The following MPHOSPH9 variants were observed in gnomAD, a reference collection of about 807,000 sequenced individuals.
MPHOSPH9 encodes the protein M-phase phosphoprotein 9.
MPHOSPH9 carries 88 observed loss-of-function variants against 145.5 expected under a neutral mutation model. The ratio of observed to expected loss-of-function variants is 0.60; its 90% CI spans 0.51 to 0.72. The LOEUF is 0.72. MPHOSPH9 is among the 30% of genes least tolerant of loss of function. MPHOSPH9 has a pLI of 0.00. For synonymous variants in MPHOSPH9, 435 were observed against 486.2 expected (o/e 0.89, Z 1.39); for missense variants, 1,238 against 1,386.6 (o/e 0.89, Z 1.70).
chr12:123,184,780 G>A (rs899758411), intron 13 of MPHOSPH9, among the ~76,000 whole-genome samples: 2 of 151,694 alleles, frequency 1.3e-5, no homozygotes, highest in Admixed American at 6.6e-5. Flanking sequence ...TTACAGGCAT[G>A]AGCCACCGTG....
At chr12:123,153,336 CTTAAT>C (rs965263642), downstream of MPHOSPH9, 14 of 152,162 alleles carry the variant, frequency 9.2e-5, no homozygotes, top group African/African-American at 3.1e-4. Flanking sequence ...CAGAGGGATG[CTTAAT>C]TTAAACTCCA....
intron 21 of MPHOSPH9, among the ~76,000 whole-genome samples, chr12:123,161,645 C>A (rs2044109453): frequency 1.4e-5 from 2 of 139,314 alleles, no homozygotes. Context: ...CATAAATGAA[C>A]TTTAAGTAAA....
At position 123,156,238 on chromosome 12, in the gene MPHOSPH9, A is replaced by G. The variant is rs2043861131; in HGVS notation, c.*569T>C. 6.6e-6 allele frequency: 1 copy of G among 152,246 alleles called. No homozygotes were observed. Among genetic ancestry groups the G allele is most frequent in the African/African-American group, 2.4e-5 (1 of 41,460 alleles). 9.4% of individuals were successfully genotyped at this position (152,246 alleles called of 1,614,324 possible). On this transcript the variant is annotated 3_prime_UTR_variant, in exon 24 of 24. Coordinates refer to ENST00000606320, the MANE Select transcript of MPHOSPH9 (RefSeq NM_022782.4). ...TAAAGAAAATGAGTTATATTCATGT[A>G]GTTTTCAAAGCTTTCCAAGAGTCCA...
intron 3 of MPHOSPH9, among the ~76,000 whole-genome samples, chr12:123,225,275 C>A (rs537199690): frequency 0.046 from 7,005 of 151,212 alleles, 305 homozygotes; most frequent in East Asian, 0.26. Context: ...AAAACCTTGT[C>A]TCAACAAAAA....
At chr12:123,201,204 A>G (rs2046206721) in intron 11 of MPHOSPH9, among the ~76,000 whole-genome samples, 2 of 150,948 alleles carry the variant, frequency 1.3e-5, no homozygotes, top group Non-Finnish European at 3.0e-5. Context: ...TATAAAGGCT[A>G]GTTTTCCCAT....
chr12:123,164,698 T>G (rs1282569588), intron 18 of MPHOSPH9, among the ~76,000 whole-genome samples: 1 of 152,228 alleles, frequency 6.6e-6, no homozygotes, highest in Non-Finnish European at 1.5e-5. Context: ...AGGAATGCCA[T>G]GTAAGGCCAG....
intron 13 of MPHOSPH9, among the ~76,000 whole-genome samples, chr12:123,182,594 A>G (rs760309734): frequency 6.6e-6 from 1 of 151,604 alleles, no homozygotes; most frequent in African/African-American, 2.4e-5. Flanking sequence ...TAAAAGCACA[A>G]TGCCAAAGTC....
intron 1 of MPHOSPH9, among the ~76,000 whole-genome samples, chr12:123,242,334 G>A (rs1053846981): frequency 1.9e-4 from 29 of 152,160 alleles, no homozygotes; most frequent in African/African-American, 4.8e-5. Flanking sequence ...TGTCATGACT[G>A]CTGGTTTCCT....
upstream of MPHOSPH9, among the ~76,000 whole-genome samples, chr12:123,236,811 G>A (rs556458873): frequency 2.7e-4 from 41 of 152,060 alleles, no homozygotes; most frequent in African/African-American, 9.2e-4. Context: ...ATATGGGGCC[G>A]GGCGCGGTGG....
intron 13 of MPHOSPH9, among the ~76,000 whole-genome samples, chr12:123,184,448 T>C (rs1188155506): frequency 6.6e-6 from 1 of 152,050 alleles, no homozygotes; most frequent in African/African-American, 2.4e-5. Flanking sequence ...GTCCCATCCA[T>C]ACACTTAAGA....
chr12:123,185,917 A>T, intron 13 of MPHOSPH9, among the ~76,000 whole-genome samples: 1 of 152,080 alleles, frequency 6.6e-6, no homozygotes, highest in Non-Finnish European at 1.5e-5. Context: ...CCTGAGGATG[A>T]AAAGTACATT....
intron 20 of MPHOSPH9, chr12:123,162,756 T>C: frequency 2.7e-6 from 1 of 364,676 alleles, no homozygotes; most frequent in Non-Finnish European, 4.8e-6. Context: ...CAAAGAACTA[T>C]CATTCTACAT....
At chr12:123,152,720 C>T (rs770928503), downstream of MPHOSPH9, 1 of 372,190 alleles carries the variant, frequency 2.7e-6, no homozygotes, top group Non-Finnish European at 5.4e-6. Context: ...TACCATAGAG[C>T]TCTTGGCAGG....
chr12:123,203,304 C>T lies in MPHOSPH9; in HGVS notation c.1266G>A (p.Lys422=). The T allele has an allele frequency of 6.2e-7, 1 of 1,613,110 alleles. No homozygotes were observed. Among genetic ancestry groups the T allele is most frequent in the Non-Finnish European group, 8.5e-7 (1 of 1,179,120 alleles). ...AAGTGAGATTCCTCTCAGGTAACTG[C>T]TTGTTTTCCCTTTGTTTTTTATAAT... The part of the protein sequence containing the change: ...DIYYKKQREN[K]QLPERNLTSA... The change falls in exon 9 of 24, where the codon AAG becomes AAA. Residue 422 remains lysine, a synonymous_variant. Coordinates refer to ENST00000606320, the MANE Select transcript of MPHOSPH9 (RefSeq NM_022782.4).
chr12:123,217,750 G>A (rs1045674158), intron 6 of MPHOSPH9, among the ~76,000 whole-genome samples: 4 of 151,904 alleles, frequency 2.6e-5, no homozygotes, highest in African/African-American at 9.7e-5. Flanking sequence ...CCAAAAGAAA[G>A]ATGCATAAAT....
At chr12:123,234,805 G>C (rs2047813376), upstream of MPHOSPH9, among the ~76,000 whole-genome samples, 1 of 152,188 alleles carries the variant, frequency 6.6e-6, no homozygotes, top group Non-Finnish European at 1.5e-5. Flanking sequence ...CTTCATTGAA[G>C]ATGGTTTTAT....
intron 2 of MPHOSPH9, among the ~76,000 whole-genome samples, 169 bp from the exon 3 acceptor site, chr12:123,227,785 G>A (rs1158378555): frequency 2.6e-5 from 4 of 152,164 alleles, no homozygotes; most frequent in African/African-American, 7.2e-5. Flanking sequence ...AAAGGAAACG[G>A]CCAGTAAAAA....
chr12:123,202,017 G>T, intron 11 of MPHOSPH9, 147 bp downstream of exon 11: 1 of 819,114 alleles, frequency 1.2e-6, no homozygotes, highest in South Asian at 1.9e-5. Context: ...TTATAAGAGG[G>T]GGGTTTAGCT....
rs200030647 is a variant in MPHOSPH9, at chr12:123,194,525, G to T, written c.2102C>A (p.Thr701Lys). 5.0e-6 allele frequency: 8 copies of T among 1,612,756 alleles called. No individual in the cohort carries two copies. The Admixed American group carries it at 8.4e-5, about 17-fold the overall frequency. The change falls in exon 13 of 24, where the codon ACA becomes AAA. Residue 701 changes from threonine to lysine, a missense_variant. Physicochemically the swap from Thr to Lys is moderately conservative, Grantham distance 78. Coordinates refer to ENST00000606320, the MANE Select transcript of MPHOSPH9 (RefSeq NM_022782.4). ...GGTATTGTCTTTTTCTTTACTGCTT[G>T]TTCTCATTTCTTCAATTCGTTCCTG... The part of the protein sequence containing the change: ...ILQERIEEMR[T>K]SSKEKDNTII...
Sources: allele counts gnomAD v4.1 joint callset (sites outside exome capture counted in the v4.1 genomes callset), GRCh38; gene constraint gnomAD v4.1.1; transcripts MANE v1.5; gene names NCBI Gene and HGNC (gene_info 2026-07-23, HGNC 2026-07-21).